CSMD1: variants seen among roughly 807,000 people sequenced by gnomAD.
CSMD1 encodes the protein CUB and sushi domain-containing protein 1.
CSMD1 carries 213 observed loss-of-function variants against 417.5 expected under a neutral mutation model. That is an observed-to-expected ratio of 0.51 (90% CI 0.46 to 0.57). The LOEUF is 0.57. Among genes scored for constraint, CSMD1 ranks in the 20% least tolerant of loss-of-function variants. The pLI is 0.00. For missense variants in CSMD1, 6,923 were observed against 4,529.7 expected, an observed-to-expected ratio of 1.53 and a Z score of -15.17; for synonymous variants, 2,862 against 1,736.8, an observed-to-expected ratio of 1.65 and a Z score of -16.11.
intron 5 of CSMD1, among the ~76,000 whole-genome samples, chr8:3,772,191 C>CATATATATATATAT (rs1798611646): frequency 2.0e-5 from 1 of 49,752 alleles, no homozygotes; most frequent in African/African-American, 6.7e-5. Context: ...TATATATATA[C>CATATATATATATAT]ACACACACAC....
intron 60 of CSMD1, 114 bp from the exon 61 acceptor site, chr8:2,962,753 A>T (rs1180353046): frequency 7.7e-6 from 9 of 1,161,904 alleles, no homozygotes; most frequent in Non-Finnish European, 1.1e-5. Flanking sequence ...TAAACAAGAA[A>T]AACGCTAAAA....
chr8:3,282,917 GTTT>G (rs1426107960), intron 26 of CSMD1, among the ~76,000 whole-genome samples: 3 of 152,148 alleles, frequency 2.0e-5, no homozygotes, highest in Non-Finnish European at 4.4e-5. Flanking sequence ...AATTCCACTT[GTTT>G]TATGATGATG....
At chr8:4,520,217 G>C (rs1563251539) in intron 2 of CSMD1, among the ~76,000 whole-genome samples, 1 of 152,074 alleles carries the variant, frequency 6.6e-6, no homozygotes, top group African/African-American at 2.4e-5. Flanking sequence ...AAAGATTCTT[G>C]TCCTATTTCT....
chr8:4,365,532 G>A (rs922904447), intron 3 of CSMD1, among the ~76,000 whole-genome samples: 5 of 152,200 alleles, frequency 3.3e-5, no homozygotes, highest in Non-Finnish European at 5.9e-5. Flanking sequence ...AATTCCCTGT[G>A]ATATCAGAGA....
intron 2 of CSMD1, among the ~76,000 whole-genome samples, chr8:4,452,152 G>A (rs145642873): frequency 1.3e-5 from 2 of 152,034 alleles, no homozygotes; most frequent in Admixed American, 6.6e-5. Flanking sequence ...CATTGTGCTT[G>A]GGAGTTTCCA....
At chr8:3,036,812 T>G (rs975835554) in intron 50 of CSMD1, among the ~76,000 whole-genome samples, 3 of 152,188 alleles carry the variant, frequency 2.0e-5, no homozygotes, top group African/African-American at 7.2e-5. Context: ...ATTCTTTTCT[T>G]TTTGGCTTTT....
intron 11 of CSMD1, among the ~76,000 whole-genome samples, chr8:3,470,959 T>C (rs916520846): frequency 1.8e-4 from 27 of 152,128 alleles, no homozygotes; most frequent in African/African-American, 5.8e-4. Flanking sequence ...TTTTGGCAGA[T>C]GACACCTAAA....
intron 3 of CSMD1, among the ~76,000 whole-genome samples, chr8:4,385,213 C>T (rs183508225): frequency 6.6e-6 from 1 of 152,318 alleles, no homozygotes; most frequent in African/African-American, 2.4e-5. Context: ...CAGGCATGAG[C>T]CACTGCACCC....
At chr8:4,164,938 G>A (rs1224367223) in intron 3 of CSMD1, among the ~76,000 whole-genome samples, 4 of 151,844 alleles carry the variant, frequency 2.6e-5, no homozygotes, top group African/African-American at 9.7e-5. Flanking sequence ...CTGAAAAAGA[G>A]ACTTCATTAT....
chr8:4,580,371 G>A (rs938330715), intron 2 of CSMD1, among the ~76,000 whole-genome samples: 5 of 152,134 alleles, frequency 3.3e-5, no homozygotes, highest in Admixed American at 6.5e-5. Flanking sequence ...TCATCGCAGT[G>A]TTGACCATCT....
chr8:3,692,569 G>T (rs11775801), intron 7 of CSMD1, among the ~76,000 whole-genome samples: 3 of 151,788 alleles, frequency 2.0e-5, no homozygotes, highest in Non-Finnish European at 4.4e-5. Context: ...CGAGCATCTG[G>T]GATAACAGGC....
chr8:4,305,396 A>G (rs1798191817), intron 3 of CSMD1, among the ~76,000 whole-genome samples: 1 of 152,130 alleles, frequency 6.6e-6, no homozygotes, highest in Admixed American at 6.6e-5. Flanking sequence ...AGATTTGCTG[A>G]GGGTTCCATC....
Position 3,795,065 on chromosome 8 carries a change from T to TATCTATCATGTACAGCTATAGATAC in CSMD1, c.819-41024_819-41023insGTATCTATAGCTGTACATGATAGAT, listed in dbSNP as rs1799970523. 2.5e-5 allele frequency among the ~76,000 whole-genome samples: 2 copies of TATCTATCATGTACAGCTATAGATAC among 79,470 alleles called. 1 individual carries two copies. The highest frequency in any genetic ancestry group is 3.0e-4 in the Admixed American group (2 of 6,684). The allele number at this position is 79,470 out of a possible 152,430, so 52.1% of individuals were successfully genotyped here. A position where few individuals can be genotyped will look rare whatever the true frequency, so the allele number is the denominator to read the frequency against. On this transcript the variant is annotated intron_variant, in intron 5 of 69. Coordinates refer to ENST00000635120, the MANE Select transcript of CSMD1 (RefSeq NM_033225.6). ...TATCTATCATGTATAGCTATAGATA[T>TATCTATCATGTACAGCTATAGATAC]ATATCTATCATGTACAGCTATAGAT...
Position 4,993,389 on chromosome 8 carries a change from T to TCTCTGTCTCTCTCCCTCTTTCTCGCC in CSMD1, c.85+942_85+943insGGCGAGAAAGAGGGAGAGAGACAGAG, listed in dbSNP as rs1563950082. On this transcript the variant is annotated intron_variant, in intron 1 of 69. Coordinates refer to ENST00000635120, the MANE Select transcript of CSMD1 (RefSeq NM_033225.6). ...AAAACCAATCAGTATTCTCTCTCTC[T>TCTCTGTCTCTCTCCCTCTTTCTCGCC]CTGTCTCTCTCCCTCTTTCTCGCCC... Among the ~76,000 whole-genome samples the TCTCTGTCTCTCTCCCTCTTTCTCGCC allele has an allele frequency of 3.9e-4, 59 of 151,676 alleles. 1 individual carries two copies. The South Asian group carries it at 0.012, about 31-fold the overall frequency.
At chr8:3,009,701 C>T (rs1398684941) in intron 52 of CSMD1, among the ~76,000 whole-genome samples, 1 of 152,106 alleles carries the variant, frequency 6.6e-6, no homozygotes, top group Non-Finnish European at 1.5e-5. Context: ...CCGACTTAGC[C>T]CATGCATAGA....
At chr8:4,387,230 T>C (rs1267147922) in intron 3 of CSMD1, among the ~76,000 whole-genome samples, 1 of 152,172 alleles carries the variant, frequency 6.6e-6, no homozygotes, top group Non-Finnish European at 1.5e-5. Context: ...CAAATGTAAA[T>C]ATTTTATGCT....
chr8:3,519,221 C>A (rs540613228), intron 10 of CSMD1, among the ~76,000 whole-genome samples: 10 of 152,290 alleles, frequency 6.6e-5, no homozygotes, highest in African/African-American at 2.4e-4. Flanking sequence ...ATTACCAACA[C>A]TTTTTCTTTC....
intron 37 of CSMD1, among the ~76,000 whole-genome samples, chr8:3,177,939 A>G (rs1409540026): frequency 6.6e-6 from 1 of 152,236 alleles, no homozygotes; most frequent in African/African-American, 2.4e-5. Context: ...GCAGAACAAG[A>G]GTGACACTTG....
At chr8:3,831,255 G>A (rs908885110) in intron 5 of CSMD1, among the ~76,000 whole-genome samples, 4 of 152,134 alleles carry the variant, frequency 2.6e-5, no homozygotes, top group African/African-American at 7.2e-5. Context: ...AGAGAATACT[G>A]CTCTTAGTTA....
Sources: gnomAD v4.1 joint callset for allele counts (sites outside exome capture counted in the v4.1 genomes callset) on GRCh38, gnomAD v4.1.1 for gene constraint, MANE v1.5 for transcripts, NCBI Gene and HGNC (gene_info 2026-07-23, HGNC 2026-07-21) for gene names.